The following TTK variants were observed in gnomAD, a reference collection of about 807,000 sequenced individuals.
TTK encodes TTK protein kinase.
A neutral mutation model predicts 117.3 loss-of-function variants in TTK; 59 were observed. The ratio of observed to expected loss-of-function variants is 0.50; its 90% CI spans 0.41 to 0.62. TTK has a LOEUF of 0.62. Among genes scored for constraint, TTK ranks in the 20% least tolerant of loss-of-function variants. The pLI is 0.00. For missense variants in TTK, 921 were observed against 989.4 expected (o/e 0.93, Z 0.93); for synonymous variants, 302 against 325.0 (o/e 0.93, Z 0.76).
chr6:80,029,204 ATAGAGT>A (rs572932642), intron 13 of TTK, among the ~76,000 whole-genome samples: 6 of 152,292 alleles, frequency 3.9e-5, no homozygotes, highest in African/African-American at 1.4e-4. Flanking sequence ...TTTAATGGGT[ATAGAGT>A]TTCAGTGGTA....
chr6:80,039,889 G>A lies in TTK; in HGVS notation c.2307+17G>A. ...GTGTTAAAGGTAATATTAATTTCAT[G>A]TAACTAATTATTTACTTAAAAGAAA... On this transcript the variant is annotated intron_variant, in intron 19 of 21. Transcript: ENST00000369798. The A allele has an allele frequency of 6.8e-7, 1 of 1,464,400 alleles. No homozygotes were observed. Among genetic ancestry groups the A allele is most frequent in the Non-Finnish European group, 9.1e-7 (1 of 1,102,186 alleles). 90.7% of individuals were successfully genotyped at this position (1,464,400 alleles called of 1,614,324 possible).
rs372511572 is a variant in TTK at position 80,008,442 on chromosome 6, A to G, written c.419A>G (p.Lys140Arg). 1 of 1,612,430 alleles carries G rather than the reference A, an allele frequency of 6.2e-7. No individual in the cohort carries two copies. The highest frequency in any genetic ancestry group is 1.3e-5 in the African/African-American group (1 of 74,882). Residue 140 changes from lysine to arginine, a missense_variant, in exon 4 of 22, where the codon AAG (lysine) becomes AGG (arginine). By Grantham distance (26) the Lys-to-Arg change is conservative. Transcript: ENST00000369798. ...DYFQMARANC[K>R]KFAFVHISFA... is the part of the protein sequence containing the mutation. ...TTTCAAATGGCCAGAGCAAACTGCA[A>G]GAAATTTGCTTTTGTTCATATATCT...
rs887912168 is a variant in TTK, at chr6:80,013,313, G to A, written c.931G>A (p.Val311Met). Residue 311 changes from valine to methionine, a missense_variant, in exon 9 of 22, where the codon GTG (valine) becomes ATG (methionine). Coordinates refer to ENST00000369798, the MANE Select transcript of TTK (RefSeq NM_003318.5). ...TSRSECRDLVVPGSKPSGNDS... is the reference protein window; with the variant it reads ...TSRSECRDLVMPGSKPSGNDS... ...TAGATCAGAATGCCGAGATTTGGTT[G>A]TGCCTGGATCTAAACCAAGTGGAAA... is the stretch of plus-strand genomic sequence containing the variant. 1.5e-5 allele frequency: 24 copies of A among 1,602,964 alleles called. No individual in the cohort carries two copies. Among genetic ancestry groups the A allele is most frequent in the Non-Finnish European group, 1.8e-5 (21 of 1,176,542 alleles).
At chr6:80,022,530 T>G in intron 11 of TTK, 58 bp downstream of exon 11, 1 of 1,528,248 alleles carries the variant, frequency 6.5e-7, no homozygotes, top group Non-Finnish European at 8.9e-7. Flanking sequence ...TTTCCGAAGG[T>G]TGATGATCAT....
Position 80,022,460 on chromosome 6 carries a change from A to G in TTK, c.1245A>G (p.Lys415=). Residue 415 remains lysine (K), a synonymous_variant, in exon 11 of 22, where the codon AAA becomes AAG. Coordinates refer to ENST00000369798, the MANE Select transcript of TTK (RefSeq NM_003318.5). ...GGCAGATTCCGGAGTTAGCCCGAAA[A>G]GTTAATACAGAGGTAACTTTTCCAC... ...NHWQIPELAR[K]VNTEQKHTTF... 1 of 1,613,494 alleles carries G rather than the reference A, an allele frequency of 6.2e-7. No homozygotes were observed.
At chr6:80,005,702 T>A in intron 1 of TTK, 140 bp from the exon 2 acceptor site, 1 of 876,136 alleles carries the variant, frequency 1.1e-6, no homozygotes, top group Non-Finnish European at 1.7e-6. Flanking sequence ...TTACCTCCAT[T>A]AATACTAGCC....
At chr6:80,040,006 A>G in intron 19 of TTK, 134 bp downstream of exon 19, 2 of 1,017,984 alleles carry the variant, frequency 2.0e-6, no homozygotes, top group South Asian at 5.1e-5. Context: ...TACTTTGAAG[A>G]TGTTTTAAAG....
At chr6:80,024,338 A>G (rs1767547769) in intron 11 of TTK, among the ~76,000 whole-genome samples, 1 of 152,258 alleles carries the variant, frequency 6.6e-6, no homozygotes, top group Non-Finnish European at 1.5e-5. Flanking sequence ...ATAATTGCCA[A>G]AAAGTGGAAA....
At chr6:80,013,539 A>C in intron 9 of TTK, 173 bp downstream of exon 9, 1 of 500,962 alleles carries the variant, frequency 2.0e-6, no homozygotes, top group Non-Finnish European at 3.5e-6. Flanking sequence ...CAGAAGTCCT[A>C]GACTATGTTT....
At chr6:80,015,297 G>GC (rs1184831244) in intron 10 of TTK, among the ~76,000 whole-genome samples, 47 of 152,302 alleles carry the variant, frequency 3.1e-4, no homozygotes, top group Admixed American at 3.9e-4. Context: ...CATGGGTAGT[G>GC]TGCAAATAGG....
chr6:80,023,816 A>T (rs1767533003), intron 11 of TTK, among the ~76,000 whole-genome samples: 1 of 151,976 alleles, frequency 6.6e-6, no homozygotes, highest in Non-Finnish European at 1.5e-5. Context: ...TCTCTGGAAA[A>T]CTCCTTATAT....
At chr6:80,018,719 G>C (rs1767380906) in intron 10 of TTK, among the ~76,000 whole-genome samples, 3 of 151,336 alleles carry the variant, frequency 2.0e-5, no homozygotes, top group Non-Finnish European at 2.9e-5. Context: ...ATGACCTCCA[G>C]TATAACAGTG....
intron 12 of TTK, among the ~76,000 whole-genome samples, chr6:80,027,165 G>A (rs150002794): frequency 6.6e-6 from 1 of 152,236 alleles, no homozygotes; most frequent in African/African-American, 2.4e-5. Context: ...TTAAATCCGT[G>A]TTGTCTTTTG....
At chr6:80,029,094 C>G (rs1169009797) in intron 13 of TTK, among the ~76,000 whole-genome samples, 1 of 152,008 alleles carries the variant, frequency 6.6e-6, no homozygotes, top group South Asian at 2.1e-4. Context: ...CAATAAAAAA[C>G]CCATGAGTAA....
Position 80,026,429 on chromosome 6 carries a change from C to A in TTK, c.1309C>A (p.Pro437Thr). The A allele has an allele frequency of 6.2e-7, 1 of 1,613,742 alleles. No homozygotes were observed. The highest frequency in any genetic ancestry group is 8.5e-7 in the Non-Finnish European group (1 of 1,179,826). Residue 437 changes from proline (P) to threonine (T), a missense_variant, in exon 12 of 22, where the codon CCA becomes ACA. Coordinates refer to ENST00000369798, the MANE Select transcript of TTK (RefSeq NM_003318.5). ...QPVFSVSKQS[P>T]PISTSKWFDP... is the part of the protein sequence containing the mutation. ...TGTCTTTTCAGTTTCAAAACAGTCA[C>A]CACCAATATCAACATCTAAATGGTT...
intron 10 of TTK, among the ~76,000 whole-genome samples, chr6:80,020,702 A>G (rs1395064052): frequency 6.6e-6 from 1 of 152,216 alleles, no homozygotes; most frequent in East Asian, 1.9e-4. Context: ...CGCAGATACA[A>G]GAAATATTCT....
chr6:80,026,281 G>A (rs1767601868), intron 11 of TTK, 97 bp from the exon 12 acceptor site: 1 of 1,275,020 alleles, frequency 7.8e-7, no homozygotes, highest in Non-Finnish European at 1.1e-6. Context: ...TATATCATAT[G>A]TTATTATTTT....
intron 21 of TTK, 67 bp from the exon 22 acceptor site, chr6:80,042,052 C>A: frequency 1.2e-6 from 1 of 852,950 alleles, no homozygotes; most frequent in Non-Finnish European, 1.8e-6. Flanking sequence ...CATCAAAATA[C>A]ATCTACTGAT....
Position 80,022,359 on chromosome 6 carries a change from A to G in TTK, c.1144A>G (p.Ser382Gly). The stretch of plus-strand genomic sequence containing the variant: ...GTATCAAGAACCAGAGGTTCCAGAG[A>G]GTAACCAGAAACAGTGGCAATCTAA... The part of the protein sequence containing the change: ...KEYQEPEVPE[S>G]NQKQWQSKRK... Residue 382 changes from serine to glycine, a missense_variant, in exon 11 of 22, where the codon AGT becomes GGT. Transcript: ENST00000369798. 1 of 1,613,832 alleles carries G rather than the reference A, an allele frequency of 6.2e-7. No homozygotes were observed. The highest frequency in any genetic ancestry group is 1.3e-5 in the African/African-American group (1 of 75,052).
Sources: allele counts gnomAD v4.1 joint callset (sites outside exome capture counted in the v4.1 genomes callset), GRCh38; gene constraint gnomAD v4.1.1; transcripts MANE v1.5; gene names NCBI Gene and HGNC (gene_info 2026-07-23, HGNC 2026-07-21).